Variants in NRG3 observed in about 807,000 individuals in gnomAD.
NRG3 encodes the protein neuregulin 3, also known as pro-neuregulin-3, membrane-bound isoform.
In NRG3, 31 loss-of-function variants were observed where a neutral mutation model predicts 66.9. That is an observed-to-expected ratio of 0.46 (90% CI 0.35 to 0.63). The LOEUF is 0.63. Among genes scored for constraint, NRG3 ranks in the 20% least tolerant of loss-of-function variants. The pLI is 0.00. For synonymous variants in NRG3, 393 were observed against 359.4 expected, an observed-to-expected ratio of 1.09 and a Z score of -1.06; for missense variants, 910 against 878.9, an observed-to-expected ratio of 1.04 and a Z score of -0.45.
rs750388335 is a variant in NRG3, at chr10:82,978,913, G to T, written c.1413-37G>T. The T allele has an allele frequency of 1.4e-5, 22 of 1,594,748 alleles. No homozygotes were observed. In the South Asian group the frequency reaches 2.5e-4, roughly 18 times the overall value. On this transcript the variant is annotated intron_variant, in intron 7 of 8. Coordinates refer to ENST00000372141, the MANE Select transcript of NRG3 (RefSeq NM_001010848.4). Reference sequence around the variant, plus strand: ...TGAGGTTATTGCTATGATGTCTTTTGTTTGTTTGTTTGTCTGTTTTCATTC... The same window carrying T: ...TGAGGTTATTGCTATGATGTCTTTTTTTTGTTTGTTTGTCTGTTTTCATTC...
chr10:82,784,488 C>T (rs2060258178), intron 3 of NRG3, among the ~76,000 whole-genome samples: 1 of 152,092 alleles, frequency 6.6e-6, no homozygotes, highest in Non-Finnish European at 1.5e-5. Context: ...CCAGAATCTA[C>T]AATGAACTCA....
At chr10:81,995,075 T>C (rs1265809728) in intron 1 of NRG3, among the ~76,000 whole-genome samples, 2 of 152,202 alleles carry the variant, frequency 1.3e-5, no homozygotes, top group African/African-American at 4.8e-5. Flanking sequence ...TCCTGCTGAA[T>C]GGAGCTCAAG....
At chr10:82,260,811 G>A (rs943149755) in intron 1 of NRG3, among the ~76,000 whole-genome samples, 9 of 152,198 alleles carry the variant, frequency 5.9e-5, no homozygotes, top group Non-Finnish European at 5.9e-5. Context: ...ACATTTAGGT[G>A]CTACATGATG....
At chr10:82,178,323 T>C (rs76330494) in intron 1 of NRG3, among the ~76,000 whole-genome samples, 1 of 152,288 alleles carries the variant, frequency 6.6e-6, no homozygotes, top group Non-Finnish European at 1.5e-5. Flanking sequence ...AGCAGATCTC[T>C]AGAAGTTTTT....
chr10:82,887,807 G>A (rs1842846987), intron 4 of NRG3, among the ~76,000 whole-genome samples: 1 of 152,154 alleles, frequency 6.6e-6, no homozygotes, highest in Non-Finnish European at 1.5e-5. Context: ...AGCTTAAGGG[G>A]ATTAATGAAT....
intron 2 of NRG3, among the ~76,000 whole-genome samples, chr10:82,388,851 G>T (rs1302344230): frequency 6.6e-6 from 1 of 152,100 alleles, no homozygotes; most frequent in Non-Finnish European, 1.5e-5. Context: ...CATACCATCG[G>T]CATCAAAGTC....
chr10:82,093,344 T>C (rs544145880), intron 1 of NRG3, among the ~76,000 whole-genome samples: 10 of 152,268 alleles, frequency 6.6e-5, no homozygotes, highest in East Asian at 3.9e-4. Flanking sequence ...TGTAGACTCA[T>C]GTACGCAAAC....
At position 82,370,342 on chromosome 10, in the gene NRG3, C is replaced by A. The variant is rs1435380368; in HGVS notation, c.953+11474C>A. ...GTGGGGCTGCCCAGTGGCCAGCCTC[C>A]TCCAGTCACCCCCTGCTGAACTCCC... On this transcript the variant is annotated intron_variant, in intron 2 of 8. Transcript: ENST00000372141. Among the ~76,000 whole-genome samples the A allele has an allele frequency of 2.2e-5, 3 of 137,822 alleles. No homozygotes were observed. The East Asian group carries it at 6.5e-4, about 30-fold the overall frequency. 90.4% of individuals were successfully genotyped at this position (137,822 alleles called of 152,430 possible). A position where few individuals can be genotyped will look rare whatever the true frequency, so the allele number is the denominator to read the frequency against.
At position 82,792,084 on chromosome 10, in the gene NRG3, C is replaced by A. The variant is rs11817819; in HGVS notation, c.1027+53434C>A. On this transcript the variant is annotated intron_variant, in intron 3 of 8. Coordinates refer to ENST00000372141, the MANE Select transcript of NRG3 (RefSeq NM_001010848.4). ...GTTGTCATTTTTACCAAGGTTCTGC[C>A]TTTTTTCTTCTATAAACACTCCTTA... Among the ~76,000 whole-genome samples the A allele has an allele frequency of 4.1e-3, 621 of 152,160 alleles. 4 individuals carry two copies. The highest frequency in any genetic ancestry group is 0.01 in the African/African-American group (428 of 41,520).
intron 2 of NRG3, among the ~76,000 whole-genome samples, chr10:82,506,575 G>A (rs1326948793): frequency 2.0e-5 from 3 of 151,430 alleles, no homozygotes; most frequent in Non-Finnish European, 2.9e-5. Context: ...CTCTTTTCCT[G>A]CCTACCTACC....
chr10:82,530,613 A>G (rs889201769), intron 2 of NRG3, among the ~76,000 whole-genome samples: 1 of 151,972 alleles, frequency 6.6e-6, no homozygotes, highest in Non-Finnish European at 1.5e-5. Context: ...TAATAAAATT[A>G]TGCATTCCAA....
Position 82,273,890 on chromosome 10 carries a change from C to T in NRG3, c.824-84849C>T, listed in dbSNP as rs1483297137. 4.6e-5 allele frequency among the ~76,000 whole-genome samples: 7 copies of T among 151,934 alleles called. No individual in the cohort carries two copies. In the East Asian group the frequency reaches 5.8e-4, roughly 13 times the overall value. On this transcript the variant is annotated intron_variant, in intron 1 of 8. Transcript: ENST00000372141. ...CCCCAGAAAGAACAAAGCTTGTAGGCGATGACTGTGAGCCAGACGAATCTT... is the reference window on the plus strand; with the variant it reads ...CCCCAGAAAGAACAAAGCTTGTAGGTGATGACTGTGAGCCAGACGAATCTT...
intron 2 of NRG3, among the ~76,000 whole-genome samples, chr10:82,585,523 C>T (rs2046617612): frequency 6.6e-6 from 1 of 152,168 alleles, no homozygotes; most frequent in Non-Finnish European, 1.5e-5. Flanking sequence ...GTCCTAGTCA[C>T]AGACCACCCA....
At chr10:82,515,314 G>T (rs1845554355) in intron 2 of NRG3, among the ~76,000 whole-genome samples, 1 of 152,072 alleles carries the variant, frequency 6.6e-6, no homozygotes, top group Non-Finnish European at 1.5e-5. Context: ...TATCATTCTT[G>T]AGCCAATGAG....
At chr10:82,441,610 G>C (rs1385218680) in intron 2 of NRG3, among the ~76,000 whole-genome samples, 1 of 152,180 alleles carries the variant, frequency 6.6e-6, no homozygotes, top group Non-Finnish European at 1.5e-5. Flanking sequence ...CGATGAGAGA[G>C]TGCTGTAGTA....
At chr10:82,038,681 G>A (rs2062901640) in intron 1 of NRG3, among the ~76,000 whole-genome samples, 1 of 152,084 alleles carries the variant, frequency 6.6e-6, no homozygotes, top group African/African-American at 2.4e-5. Context: ...AGAGCCTAGT[G>A]GTAGTTAATC....
At chr10:82,140,595 A>G (rs1410119264) in intron 1 of NRG3, among the ~76,000 whole-genome samples, 1 of 152,082 alleles carries the variant, frequency 6.6e-6, no homozygotes, top group African/African-American at 2.4e-5. Flanking sequence ...GGCTGGGTGC[A>G]GTGACTCACA....
chr10:82,304,238 T>C (rs551663628), intron 1 of NRG3, among the ~76,000 whole-genome samples: 9 of 152,358 alleles, frequency 5.9e-5, no homozygotes, highest in African/African-American at 1.9e-4. Flanking sequence ...TTATTTTTTC[T>C]TATTTTGAAT....
intron 2 of NRG3, among the ~76,000 whole-genome samples, chr10:82,465,933 T>C (rs568631810): frequency 6.6e-6 from 1 of 152,290 alleles, no homozygotes; most frequent in Non-Finnish European, 1.5e-5. Flanking sequence ...GGAACAGTCG[T>C]TGCTTCTGGA....
Sources: allele counts gnomAD v4.1 joint callset (sites outside exome capture counted in the v4.1 genomes callset), GRCh38; gene constraint gnomAD v4.1.1; transcripts MANE v1.5; gene names NCBI Gene and HGNC (gene_info 2026-07-23, HGNC 2026-07-21).